The following PDE1A variants were observed in gnomAD, a reference collection of about 807,000 sequenced individuals.
PDE1A encodes dual specificity calcium/calmodulin-dependent 3',5'-cyclic nucleotide phosphodiesterase 1A.
In PDE1A, 35 loss-of-function variants were observed where a neutral mutation model predicts 61.7. The observed-to-expected ratio is 0.57, with a 90% CI of 0.43 to 0.75. The LOEUF (loss-of-function observed/expected upper bound fraction) is 0.75, where lower values mean the gene tolerates loss of function less well. PDE1A is among the 30% of genes least tolerant of loss of function. PDE1A has a pLI of 0.00. For missense variants in PDE1A, 597 were observed against 630.6 expected (o/e 0.95, Z 0.57); for synonymous variants, 232 against 213.2 (o/e 1.09, Z -0.77).
the PDE1A span, among the ~76,000 whole-genome samples, chr2:182,691,462 A>T: frequency 1.9e-4 from 29 of 152,352 alleles, no homozygotes; most frequent in African/African-American, 6.7e-4. Context: ...GGTGCTGGGA[A>T]AACTGGCTAG....
In PDE1A at chr2:182,147,853, G is replaced by C. The variant is rs116817133; in HGVS notation, c.1517-701C>G. Among the ~76,000 whole-genome samples, 1,415 of 152,260 alleles carry C rather than the reference G, an allele frequency of 9.3e-3. 10 individuals carry two copies. The highest frequency in any genetic ancestry group is 0.011 in the Non-Finnish European group (751 of 68,004). On this transcript the variant is annotated intron_variant, in intron 13 of 13. Coordinates refer to the PDE1A transcript ENST00000409365. ...CAGGAAATAGTCATATACAATGAAA[G>C]TTTCTTTCTGTCTGAAGTTTGAGTA...
intron 1 of PDE1A, among the ~76,000 whole-genome samples, chr2:182,281,787 G>C (rs770700040): frequency 2.8e-4 from 42 of 151,968 alleles, no homozygotes; most frequent in South Asian, 2.1e-4. Context: ...AGAGAATATT[G>C]ACTGGAAGGG....
At chr2:182,448,946 T>C (rs1685316766) in intron 2 of PDE1A, among the ~76,000 whole-genome samples, 1 of 152,034 alleles carries the variant, frequency 6.6e-6, no homozygotes, top group Admixed American at 6.6e-5. Flanking sequence ...CCTACAAATT[T>C]AAAATTGATT....
Position 182,155,925 on chromosome 2 carries a change from G to T in PDE1A, c.1517-8773C>A, listed in dbSNP as rs1691056479. 2.0e-5 allele frequency among the ~76,000 whole-genome samples: 3 copies of T among 152,028 alleles called. No homozygotes were observed. The South Asian group carries it at 6.2e-4, about 32-fold the overall frequency. ...TAATAATCCCCACAGCTCAAGGGCG[G>T]GGCCAGGTGAAGATAATTGAATCAT... On this transcript the variant is annotated intron_variant, in intron 13 of 13. Coordinates refer to the PDE1A transcript ENST00000409365.
At chr2:182,149,781 G>T (rs1690683103) in intron 13 of PDE1A, among the ~76,000 whole-genome samples, 2 of 150,538 alleles carry the variant, frequency 1.3e-5, no homozygotes, top group Non-Finnish European at 2.9e-5. Context: ...TGGCCCAAGA[G>T]TGTACCATAT....
intron 7 of PDE1A, among the ~76,000 whole-genome samples, chr2:182,212,468 C>G (rs1186605661): frequency 6.6e-6 from 1 of 152,184 alleles, no homozygotes; most frequent in Non-Finnish European, 1.5e-5. Flanking sequence ...GTGAGCGACG[C>G]AGAAGACGGT....
intron 10 of PDE1A, among the ~76,000 whole-genome samples, chr2:182,198,948 C>T (rs1450802606): frequency 1.3e-5 from 2 of 151,778 alleles, no homozygotes; most frequent in African/African-American, 2.4e-5. Context: ...GAATTGAAAT[C>T]GGAAATAAGA....
At chr2:182,610,852 T>G in the PDE1A span, among the ~76,000 whole-genome samples, 1 of 152,044 alleles carries the variant, frequency 6.6e-6, no homozygotes, top group Non-Finnish European at 1.5e-5. Flanking sequence ...TAAACTTGAA[T>G]TATTAACAAT....
chr2:182,391,240 G>A (rs1193888803), intron 1 of PDE1A, among the ~76,000 whole-genome samples: 2 of 152,070 alleles, frequency 1.3e-5, no homozygotes, highest in Admixed American at 1.3e-4. Flanking sequence ...TTGCAGCTCT[G>A]GGAGTTATAT....
the PDE1A span, among the ~76,000 whole-genome samples, chr2:182,654,798 C>T: frequency 6.6e-6 from 1 of 152,202 alleles, no homozygotes; most frequent in African/African-American, 2.4e-5. Flanking sequence ...ACCATCCCAT[C>T]TGACATCAGT....
At chr2:182,516,003 T>C (rs1047389802) in intron 2 of PDE1A, among the ~76,000 whole-genome samples, 52 of 131,980 alleles carry the variant, frequency 3.9e-4, no homozygotes, top group African/African-American at 1.3e-3. Context: ...TGTGTGTGTG[T>C]TGGGTGAGGA....
intron 1 of PDE1A, among the ~76,000 whole-genome samples, chr2:182,394,444 T>A (rs1374542378): frequency 1.3e-5 from 2 of 151,892 alleles, no homozygotes; most frequent in African/African-American, 4.8e-5. Context: ...CCATGACATG[T>A]GGGGATTATG....
At chr2:182,703,245 A>C in the PDE1A span, among the ~76,000 whole-genome samples, 1 of 152,232 alleles carries the variant, frequency 6.6e-6, no homozygotes, top group African/African-American at 2.4e-5. Flanking sequence ...TTTATTTTGA[A>C]GTTCCTGTTA....
the PDE1A span, among the ~76,000 whole-genome samples, chr2:182,562,409 T>C: frequency 1.3e-5 from 2 of 149,554 alleles, no homozygotes; most frequent in Admixed American, 1.3e-4. Flanking sequence ...TGAAGCCCAC[T>C]TGATCATGGT....
At chr2:182,170,533 C>T (rs1038162005) in intron 13 of PDE1A, among the ~76,000 whole-genome samples, 1 of 151,910 alleles carries the variant, frequency 6.6e-6, no homozygotes, top group Non-Finnish European at 1.5e-5. Flanking sequence ...GTACTCCTAC[C>T]GCATAGCTAT....
At chr2:182,378,475 A>G (rs1215140131) in intron 1 of PDE1A, among the ~76,000 whole-genome samples, 1 of 152,218 alleles carries the variant, frequency 6.6e-6, no homozygotes, top group East Asian at 1.9e-4. Context: ...GACCTGTGTT[A>G]TATAGTATAT....
At chr2:182,420,660 C>T (rs1703219880) in intron 1 of PDE1A, among the ~76,000 whole-genome samples, 1 of 152,016 alleles carries the variant, frequency 6.6e-6, no homozygotes. Flanking sequence ...AAATAATATC[C>T]TAAAATCCTA....
At chr2:182,351,660 G>A (rs1390752063) in intron 1 of PDE1A, among the ~76,000 whole-genome samples, 1 of 152,116 alleles carries the variant, frequency 6.6e-6, no homozygotes, top group South Asian at 2.1e-4. Context: ...AAGTGTCAGC[G>A]TTGGCACTTT....
chr2:182,193,987 A>G (rs1685926490), intron 10 of PDE1A, among the ~76,000 whole-genome samples: 1 of 152,166 alleles, frequency 6.6e-6, no homozygotes, highest in African/African-American at 2.4e-5. Flanking sequence ...GAAATAACAC[A>G]CTTTATACTA....
Sources: gnomAD v4.1 joint callset for allele counts (sites outside exome capture counted in the v4.1 genomes callset) on GRCh38, gnomAD v4.1.1 for gene constraint, MANE v1.5 for transcripts, NCBI Gene and HGNC (gene_info 2026-07-23, HGNC 2026-07-21) for gene names.